Variants in NGEF observed in about 807,000 individuals in gnomAD.
NGEF encodes the protein ephexin-1.
NGEF carries 31 observed loss-of-function variants against 80.9 expected under a neutral mutation model. The observed-to-expected ratio is 0.38, with a 90% CI of 0.29 to 0.52. The LOEUF is 0.52. NGEF is among the 20% of genes least tolerant of loss of function. NGEF has a pLI of 0.84. For missense variants in NGEF, 709 were observed against 926.2 expected (o/e 0.77, Z 3.04); for synonymous variants, 371 against 370.2 (o/e 1.00, Z -0.03).
chr2:232,883,325 T>C lies in NGEF; in HGVS notation c.1743A>G (p.Leu581=). ...GAGGCACTCACTGAGAGGACGCCTTTAGCATGTAGGTGGCCTCCCGGTCAT... is the reference window on the plus strand; with the variant it reads ...GAGGCACTCACTGAGAGGACGCCTTCAGCATGTAGGTGGCCTCCCGGTCAT... ...NADDREATYM[L]KASSQSEMKR... is the part of the protein sequence containing the mutation. The change falls in exon 12 of 15, where the codon CTA becomes CTG. Residue 581 remains leucine (L), a synonymous_variant. Transcript: ENST00000264051. 6.2e-7 allele frequency: 1 copy of C among 1,607,322 alleles called. No homozygotes were observed. Among genetic ancestry groups the C allele is most frequent in the Non-Finnish European group, 8.5e-7 (1 of 1,176,082 alleles).
At chr2:232,897,186 C>T (rs1002438607) in intron 5 of NGEF, among the ~76,000 whole-genome samples, 1 of 151,568 alleles carries the variant, frequency 6.6e-6, no homozygotes, top group African/African-American at 2.4e-5. Flanking sequence ...CCCTGCCTCA[C>T]TCCTTTTAGG....
intron 1 of NGEF, among the ~76,000 whole-genome samples, chr2:233,005,578 G>A (rs1695068548): frequency 6.6e-6 from 1 of 152,130 alleles, no homozygotes; most frequent in African/African-American, 2.4e-5. Context: ...CTTATAAGAG[G>A]AAGGCAGAAG....
intron 9 of NGEF, among the ~76,000 whole-genome samples, chr2:232,887,234 G>T (rs1373014366): frequency 1.3e-5 from 2 of 152,226 alleles, no homozygotes; most frequent in Non-Finnish European, 2.9e-5. Context: ...TCAAAAGCTG[G>T]CTCTCAGCTC....
intron 9 of NGEF, among the ~76,000 whole-genome samples, chr2:232,887,064 C>T (rs1418104071): frequency 6.6e-6 from 1 of 152,210 alleles, no homozygotes; most frequent in Non-Finnish European, 1.5e-5. Context: ...CCTCATGTCT[C>T]AATGTGGCTG....
chr2:232,885,461 A>T (rs1224945304), intron 9 of NGEF, 92 bp from the exon 10 acceptor site: 2 of 975,430 alleles, frequency 2.1e-6, no homozygotes, highest in African/African-American at 3.2e-5. Context: ...GGGCTGAGTG[A>T]CCACCGTGAC....
chr2:232,894,477 G>A (rs1301237196), intron 6 of NGEF: 2 of 281,880 alleles, frequency 7.1e-6, no homozygotes, highest in South Asian at 1.3e-4. Context: ...TGGACTCAGC[G>A]TCACTCCAAC....
intron 3 of NGEF, among the ~76,000 whole-genome samples, chr2:232,955,668 GCCA>G (rs1693811023): frequency 6.6e-6 from 1 of 152,160 alleles, no homozygotes; most frequent in Non-Finnish European, 1.5e-5. Context: ...ACAGGCATGT[GCCA>G]CCACATCTGG....
At chr2:232,891,225 C>T (rs573737477) in intron 8 of NGEF, 133 bp downstream of exon 8, 19 of 1,212,954 alleles carry the variant, frequency 1.6e-5, no homozygotes, top group South Asian at 4.2e-5. Context: ...TGCCCAGGAA[C>T]GTGCTTGGCA....
At chr2:232,979,408 T>G (rs1208452192) in intron 1 of NGEF, among the ~76,000 whole-genome samples, 1 of 151,606 alleles carries the variant, frequency 6.6e-6, no homozygotes, top group Non-Finnish European at 1.5e-5. Context: ...GAAGAGATTG[T>G]AAAACTATCT....
rs767639338 is a variant in NGEF at position 232,879,700 on chromosome 2, GAGA to G, written c.1943-24_1943-22del. 8 of 1,600,910 alleles carry G rather than the reference GAGA, an allele frequency of 5.0e-6. No individual in the cohort carries two copies. In the East Asian group the frequency reaches 1.3e-4, roughly 27 times the overall value. On this transcript the variant is annotated intron_variant, in intron 14 of 14. Transcript: ENST00000264051. ...CCACCCTGTGCAGGGAGGGGAGGGA[GAGA>G]AGGTCAGTGCTCCTGCAGGGCACAG...
chr2:232,950,124 A>G (rs1233531996), intron 3 of NGEF, among the ~76,000 whole-genome samples: 2 of 152,184 alleles, frequency 1.3e-5, no homozygotes, highest in Non-Finnish European at 2.9e-5. Flanking sequence ...AAATATTTTT[A>G]AAGTACCAGT....
intron 3 of NGEF, among the ~76,000 whole-genome samples, chr2:232,953,561 T>A (rs1693730249): frequency 6.6e-6 from 1 of 151,858 alleles, no homozygotes; most frequent in South Asian, 2.1e-4. Context: ...TGATATACAT[T>A]CCTTTATGAA....
intron 5 of NGEF, among the ~76,000 whole-genome samples, chr2:232,919,601 A>G (rs1011974973): frequency 2.6e-5 from 4 of 152,150 alleles, no homozygotes; most frequent in Admixed American, 2.0e-4. Context: ...TCTTTGTTCC[A>G]CTAAAACAAA....
chr2:232,965,544 G>A (rs576972214), intron 3 of NGEF, among the ~76,000 whole-genome samples: 4 of 152,232 alleles, frequency 2.6e-5, no homozygotes, highest in South Asian at 4.1e-4. Context: ...TGAGGACCCC[G>A]GGAGTCTCAC....
intron 5 of NGEF, among the ~76,000 whole-genome samples, chr2:232,895,884 G>A (rs927113045): frequency 1.3e-5 from 2 of 152,216 alleles, no homozygotes; most frequent in African/African-American, 4.8e-5. Flanking sequence ...TCGATGTCAT[G>A]ATTATCACCT....
intron 3 of NGEF, among the ~76,000 whole-genome samples, chr2:232,954,691 C>G (rs1242034838): frequency 2.7e-5 from 4 of 150,278 alleles, no homozygotes; most frequent in Admixed American, 1.3e-4. Context: ...CGCCACTGCA[C>G]TCCAGCCTGG....
At chr2:232,940,341 G>A (rs987942981) in intron 3 of NGEF, among the ~76,000 whole-genome samples, 3 of 152,172 alleles carry the variant, frequency 2.0e-5, no homozygotes, top group South Asian at 2.1e-4. Flanking sequence ...GCCAGTGGTC[G>A]CCAAGGCGTG....
chr2:232,884,366 C>T (rs547238865), intron 10 of NGEF, among the ~76,000 whole-genome samples: 18 of 152,228 alleles, frequency 1.2e-4, no homozygotes, highest in South Asian at 1.0e-3. Context: ...GTGTGCTATG[C>T]GTGTGTGTGC....
intron 5 of NGEF, among the ~76,000 whole-genome samples, chr2:232,902,547 A>T (rs1169966361): frequency 6.6e-6 from 1 of 152,206 alleles, no homozygotes; most frequent in Non-Finnish European, 1.5e-5. Context: ...CGGCACTCAC[A>T]CACATCACAA....
Sources: allele counts gnomAD v4.1 joint callset (sites outside exome capture counted in the v4.1 genomes callset), GRCh38; gene constraint gnomAD v4.1.1; transcripts MANE v1.5; gene names NCBI Gene and HGNC (gene_info 2026-07-23, HGNC 2026-07-21).